Variants in TEAD1 observed in about 807,000 individuals in gnomAD.
TEAD1 encodes the protein transcriptional enhancer factor TEF-1.
A neutral mutation model predicts 54.9 loss-of-function variants in TEAD1; 9 were observed. The observed-to-expected ratio is 0.16, with a 90% CI of 0.10 to 0.29. The LOEUF is 0.29. Among genes scored for constraint, TEAD1 ranks in the 10% least tolerant of loss-of-function variants. The pLI is 1.00. For missense variants in TEAD1, 387 were observed against 535.9 expected, an observed-to-expected ratio of 0.72 and a Z score of 2.74; for synonymous variants, 200 against 187.8, an observed-to-expected ratio of 1.07 and a Z score of -0.53.
At chr11:12,770,618 C>G (rs1421594261) in intron 3 of TEAD1, among the ~76,000 whole-genome samples, 3 of 152,166 alleles carry the variant, frequency 2.0e-5, no homozygotes, top group African/African-American at 4.8e-5. Context: ...TAATTATGCC[C>G]ATTTTGCTGC....
chr11:12,677,733 C>G (rs1044238826), intron 2 of TEAD1, among the ~76,000 whole-genome samples: 1 of 152,108 alleles, frequency 6.6e-6, no homozygotes, highest in East Asian at 1.9e-4. Context: ...GCATGTAGAT[C>G]CCAAATATTA....
intron 3 of TEAD1, among the ~76,000 whole-genome samples, chr11:12,779,169 C>T (rs1945493933): frequency 6.6e-6 from 1 of 152,048 alleles, no homozygotes; most frequent in African/African-American, 2.4e-5. Context: ...TTTTAGTTGT[C>T]TGAAAATCAC....
At chr11:12,913,579 G>T (rs575559269) in intron 10 of TEAD1, among the ~76,000 whole-genome samples, 1 of 152,206 alleles carries the variant, frequency 6.6e-6, no homozygotes, top group African/African-American at 2.4e-5. Context: ...TTGAGGGTAA[G>T]TCTCAGTTTT....
intron 3 of TEAD1, among the ~76,000 whole-genome samples, chr11:12,846,676 T>A (rs910382216): frequency 1.4e-4 from 21 of 152,232 alleles, no homozygotes; most frequent in Admixed American, 2.0e-4. Context: ...ATTCTGCCTA[T>A]AAACAAGTTG....
intron 11 of TEAD1, among the ~76,000 whole-genome samples, chr11:12,928,471 A>G (rs1948944053): frequency 1.3e-5 from 2 of 151,842 alleles, no homozygotes. Flanking sequence ...TTTTGTAGAA[A>G]TGTGGTTTCG....
chr11:12,839,306 G>C (rs1320388215), intron 3 of TEAD1, among the ~76,000 whole-genome samples: 2 of 152,182 alleles, frequency 1.3e-5, no homozygotes, highest in African/African-American at 2.4e-5. Context: ...AGCTGCTCGG[G>C]AGGCTGAGAC....
chr11:12,838,755 T>C (rs1946962132), intron 3 of TEAD1, among the ~76,000 whole-genome samples: 1 of 152,222 alleles, frequency 6.6e-6, no homozygotes, highest in Non-Finnish European at 1.5e-5. Context: ...TCTAAAGTGT[T>C]TTCTAGAGCC....
intron 3 of TEAD1, among the ~76,000 whole-genome samples, chr11:12,827,026 G>A (rs1946671688): frequency 6.6e-6 from 1 of 152,176 alleles, no homozygotes; most frequent in African/African-American, 2.4e-5. Flanking sequence ...CTGTCTCCAA[G>A]AATACCTCTG....
intron 10 of TEAD1, among the ~76,000 whole-genome samples, chr11:12,923,438 C>T (rs140268069): frequency 5.9e-5 from 9 of 152,272 alleles, no homozygotes; most frequent in African/African-American, 2.2e-4. Context: ...CTCCCTGGTG[C>T]TTAGTTCCGT....
chr11:12,838,971 T>G (rs965118473), intron 3 of TEAD1, among the ~76,000 whole-genome samples: 3 of 152,178 alleles, frequency 2.0e-5, no homozygotes, highest in Non-Finnish European at 4.4e-5. Flanking sequence ...GGAAACAGAC[T>G]TATAAATTCC....
At chr11:12,719,164 G>A (rs1408957624) in intron 2 of TEAD1, among the ~76,000 whole-genome samples, 4 of 151,864 alleles carry the variant, frequency 2.6e-5, no homozygotes, top group African/African-American at 9.7e-5. Context: ...CCCCTCCTCC[G>A]CAGCCTGTGT....
chr11:12,701,632 G>A (rs1590065247), intron 2 of TEAD1, among the ~76,000 whole-genome samples: 1 of 152,140 alleles, frequency 6.6e-6, no homozygotes, highest in East Asian at 1.9e-4. Context: ...GAGTGTCTGT[G>A]TTGGGTGGTG....
chr11:12,765,493 G>A (rs1450419247), intron 3 of TEAD1, among the ~76,000 whole-genome samples: 1 of 152,170 alleles, frequency 6.6e-6, no homozygotes, highest in Admixed American at 6.5e-5. Context: ...ACAATTGGAA[G>A]TCTTTTTTGT....
Position 12,862,334 on chromosome 11 carries a change from A to G in TEAD1, c.267+20A>G. Reference sequence around the variant, plus strand: ...AAACAGGTAAAATAACCCACCTGGAAATTGTGCATGTCAGCGAATGGCCCA... The same window carrying G: ...AAACAGGTAAAATAACCCACCTGGAGATTGTGCATGTCAGCGAATGGCCCA... On this transcript the variant is annotated intron_variant, in intron 4 of 12. Transcript: ENST00000527636. 6.2e-7 allele frequency: 1 copy of G among 1,612,536 alleles called. No homozygotes were observed. The highest frequency in any genetic ancestry group is 8.5e-7 in the Non-Finnish European group (1 of 1,178,686).
chr11:12,910,734 GTTAC>G (rs1253538264), intron 10 of TEAD1, among the ~76,000 whole-genome samples: 18 of 140,426 alleles, frequency 1.3e-4, no homozygotes, highest in East Asian at 6.2e-4. Flanking sequence ...TGTCTACATA[GTTAC>G]TTAATTTGCT....
At chr11:12,795,439 T>G (rs1461273694) in intron 3 of TEAD1, among the ~76,000 whole-genome samples, 1 of 152,184 alleles carries the variant, frequency 6.6e-6, no homozygotes, top group Non-Finnish European at 1.5e-5. Flanking sequence ...AACCCATAAC[T>G]CTCATGTTGC....
intron 2 of TEAD1, among the ~76,000 whole-genome samples, chr11:12,688,445 T>A (rs746301233): frequency 3.9e-5 from 6 of 152,260 alleles, no homozygotes; most frequent in Non-Finnish European, 5.9e-5. Context: ...GATCACTGAT[T>A]GCCAGTTTTT....
chr11:12,693,919 G>A (rs752890312), intron 2 of TEAD1, among the ~76,000 whole-genome samples: 1 of 152,198 alleles, frequency 6.6e-6, no homozygotes, highest in Non-Finnish European at 1.5e-5. Flanking sequence ...GGCTATAGCC[G>A]CGTTGGTGGT....
intron 11 of TEAD1, among the ~76,000 whole-genome samples, chr11:12,926,102 A>G (rs760781528): frequency 2.2e-4 from 33 of 152,304 alleles, no homozygotes; most frequent in South Asian, 2.1e-3. Flanking sequence ...TAATTGATCC[A>G]TGTTCAGTGA....
Sources: gnomAD v4.1 joint callset for allele counts (sites outside exome capture counted in the v4.1 genomes callset) on GRCh38, gnomAD v4.1.1 for gene constraint, MANE v1.5 for transcripts, NCBI Gene and HGNC (gene_info 2026-07-23, HGNC 2026-07-21) for gene names.